Variants in TRPC7 observed in about 807,000 individuals in gnomAD.
TRPC7 encodes short transient receptor potential channel 7.
In TRPC7, 42 loss-of-function variants were observed where a neutral mutation model predicts 90.1. The observed-to-expected ratio is 0.47, with a 90% CI of 0.36 to 0.60. The LOEUF (loss-of-function observed/expected upper bound fraction) is 0.60. Ranked by LOEUF, TRPC7 falls within the 20% of genes least tolerant of loss-of-function variation. The probability of loss-of-function intolerance (pLI) is 0.00; values close to 1 mark genes in which losing one functional copy is unlikely to be tolerated. For missense variants in TRPC7, 955 were observed against 1,112.3 expected (o/e 0.86, Z 2.01); for synonymous variants, 451 against 436.3 (o/e 1.03, Z -0.42).
intron 2 of TRPC7, among the ~76,000 whole-genome samples, chr5:136,355,239 A>G (rs1269677732): frequency 6.6e-6 from 1 of 152,200 alleles, no homozygotes; most frequent in Non-Finnish European, 1.5e-5. Context: ...TCAGGTAAAA[A>G]CAAGTGAAAC....
At chr5:136,299,332 GGT>G (rs71583250) in intron 3 of TRPC7, among the ~76,000 whole-genome samples, 12,928 of 126,960 alleles carry the variant, frequency 0.1, 878 homozygotes, top group African/African-American at 0.12. Flanking sequence ...CTCTGACTGG[GGT>G]GTGTGCGTGT....
rs769089647 is a variant in TRPC7 at position 136,247,491 on chromosome 5, T to C, written c.1824A>G (p.Lys608=). 4 of 1,613,346 alleles carry C rather than the reference T, an allele frequency of 2.5e-6. No individual in the cohort carries two copies. In the South Asian group the frequency reaches 4.4e-5, roughly 18 times the overall value. ...FNLYSYYRGA[K]YNPAFTTVEE... Reference sequence around the variant, plus strand: ...CTCACGTTGTAAACGCTGGGTTGTATTTGGCACCTCGGTAGTAAGAGTACA... The same window carrying C: ...CTCACGTTGTAAACGCTGGGTTGTACTTGGCACCTCGGTAGTAAGAGTACA... The change falls in exon 7 of 12, where the codon AAA becomes AAG. Residue 608 remains lysine, a synonymous_variant. Transcript: ENST00000513104. This position sits in a 1 kb window ranked among gnomAD's most constrained non-coding sequence, Gnocchi z 4.2.
intron 6 of TRPC7, among the ~76,000 whole-genome samples, chr5:136,249,071 A>G (rs1286923550): frequency 6.6e-6 from 1 of 152,222 alleles, no homozygotes; most frequent in Non-Finnish European, 1.5e-5. Context: ...CACTTACATT[A>G]GCTGTAATTT....
At chr5:136,305,961 C>CT (rs1264500398) in intron 3 of TRPC7, among the ~76,000 whole-genome samples, 2 of 152,172 alleles carry the variant, frequency 1.3e-5, no homozygotes, top group Non-Finnish European at 2.9e-5. Flanking sequence ...GTTTGAGCTC[C>CT]TTTTTATTAG....
intron 2 of TRPC7, among the ~76,000 whole-genome samples, chr5:136,328,526 G>A (rs144301292): frequency 6.6e-6 from 1 of 152,322 alleles, no homozygotes; most frequent in Non-Finnish European, 1.5e-5. Flanking sequence ...TGACTGGGTG[G>A]TCAGTATTTG....
intron 2 of TRPC7, among the ~76,000 whole-genome samples, chr5:136,351,913 C>A (rs991420816): frequency 6.6e-6 from 1 of 152,160 alleles, no homozygotes; most frequent in African/African-American, 2.4e-5. Flanking sequence ...CATTGATAAA[C>A]AGAAAAATCA....
intron 10 of TRPC7, among the ~76,000 whole-genome samples, chr5:136,219,317 T>C (rs908217879): frequency 2.6e-5 from 4 of 152,242 alleles, no homozygotes; most frequent in African/African-American, 7.2e-5. Flanking sequence ...GCTCTCAGTA[T>C]GCATTAGGAT....
Position 136,299,161 on chromosome 5 carries a change from C to T in TRPC7, c.963+16436G>A, listed in dbSNP as rs1056172526. Among the ~76,000 whole-genome samples the T allele has an allele frequency of 7.2e-5, 11 of 152,054 alleles. No homozygotes were observed. In the South Asian group the frequency reaches 8.3e-4, roughly 11 times the overall value. The stretch of plus-strand genomic sequence containing the variant: ...TACTAAAAATACAAAATTAGCTGGG[C>T]GTGCTAGTGCATGCCTGTAATCCCA... On this transcript the variant is annotated intron_variant, in intron 3 of 11. Coordinates refer to ENST00000513104, the MANE Select transcript of TRPC7 (RefSeq NM_020389.3).
chr5:136,293,413 C>A (rs1394296983), intron 3 of TRPC7, among the ~76,000 whole-genome samples: 1 of 152,184 alleles, frequency 6.6e-6, no homozygotes, highest in Non-Finnish European at 1.5e-5. Flanking sequence ...CCCAAAATCT[C>A]CTTAAGCTGA....
chr5:136,243,330 T>A (rs1436056947), intron 7 of TRPC7, among the ~76,000 whole-genome samples: 1 of 140,786 alleles, frequency 7.1e-6, no homozygotes, highest in Non-Finnish European at 1.6e-5. Context: ...GGAATGGGGT[T>A]GGGGGGAGGT....
In TRPC7 at chr5:136,322,096, ACT is replaced by A. The variant is rs375784270; in HGVS notation, c.781-6319_781-6318del. 5.1e-3 allele frequency among the ~76,000 whole-genome samples: 769 copies of A among 151,880 alleles called. 5 individuals carry two copies. Among genetic ancestry groups the A allele is most frequent in the African/African-American group, 0.018 (731 of 41,434 alleles). On this transcript the variant is annotated intron_variant, in intron 2 of 11. Transcript: ENST00000513104. Reference sequence around the variant, plus strand: ...CTGGCACAATCTCAGCTCACAGCAAACTCTGCCTCCAGAATTCAAGCAATTCT... The same window carrying A: ...CTGGCACAATCTCAGCTCACAGCAAACTGCCTCCAGAATTCAAGCAATTCT...
intron 5 of TRPC7, among the ~76,000 whole-genome samples, chr5:136,254,094 C>G (rs969041974): frequency 2.0e-5 from 3 of 152,280 alleles, no homozygotes; most frequent in Middle Eastern, 3.4e-3. Context: ...TTGAAGCTAG[C>G]AGAGGTTCGT....
At chr5:136,265,603 G>A (rs1482134907) in intron 5 of TRPC7, among the ~76,000 whole-genome samples, 1 of 151,986 alleles carries the variant, frequency 6.6e-6, no homozygotes, top group Non-Finnish European at 1.5e-5. Context: ...CATAAATTGG[G>A]TAAAAGACAG....
chr5:136,223,677 A>G (rs1755536383), intron 10 of TRPC7, among the ~76,000 whole-genome samples: 1 of 152,180 alleles, frequency 6.6e-6, no homozygotes, highest in African/African-American at 2.4e-5. Context: ...TCTCTTTCAG[A>G]AAGGATTCAT....
intron 8 of TRPC7, 55 bp downstream of exon 8, chr5:136,231,299 A>G: frequency 4.8e-6 from 7 of 1,460,470 alleles, no homozygotes; most frequent in Non-Finnish European, 6.5e-6. Context: ...ATTGCTGAAA[A>G]AAGCAATGTA....
intron 3 of TRPC7, among the ~76,000 whole-genome samples, chr5:136,296,678 G>T (rs573848655): frequency 2.6e-4 from 40 of 152,226 alleles, no homozygotes; most frequent in Middle Eastern, 6.8e-3. Context: ...ATACATGTCT[G>T]CAAATGGGAA....
intron 3 of TRPC7, among the ~76,000 whole-genome samples, chr5:136,287,516 T>C (rs1319024183): frequency 1.3e-5 from 2 of 151,508 alleles, no homozygotes; most frequent in African/African-American, 4.8e-5. Context: ...ACTGAGAGGA[T>C]TGATCAAATG....
intron 5 of TRPC7, among the ~76,000 whole-genome samples, chr5:136,263,642 T>C (rs1756935633): frequency 6.6e-6 from 1 of 152,078 alleles, no homozygotes; most frequent in African/African-American, 2.4e-5. Context: ...TTTTAAGAAT[T>C]GAATAATATA....
rs113854661 is a variant in TRPC7, at chr5:136,300,523, T to G, written c.963+15074A>C. Among the ~76,000 whole-genome samples the G allele has an allele frequency of 3.3e-3, 499 of 152,360 alleles. 6 individuals are homozygous for G. Among genetic ancestry groups the G allele is most frequent in the Non-Finnish European group, 4.5e-3 (307 of 68,030 alleles). On this transcript the variant is annotated intron_variant, in intron 3 of 11. Transcript: ENST00000513104. ...TATGGTGGTAATTTTAGAGATGGAC[T>G]ACCACCATAAGTGGATGACTGATGC...
Sources: allele counts gnomAD v4.1 joint callset (sites outside exome capture counted in the v4.1 genomes callset), GRCh38; gene constraint gnomAD v4.1.1; non-coding constraint Gnocchi (gnomAD v3.1); transcripts MANE v1.5; gene names NCBI Gene and HGNC (gene_info 2026-07-23, HGNC 2026-07-21).